Variants in CEP290 observed in about 807,000 individuals in gnomAD.
CEP290 encodes the protein centrosomal protein 290.
In CEP290, 317 loss-of-function variants were observed where a neutral mutation model predicts 344.9. The observed-to-expected ratio is 0.92, with a 90% CI of 0.84 to 1.01. CEP290 has a LOEUF of 1.01. CEP290 is among the 50% of genes least tolerant of loss of function. The pLI is 0.00. For synonymous variants in CEP290, 932 were observed against 895.8 expected, an observed-to-expected ratio of 1.04 and a Z score of -0.72; for missense variants, 2,754 against 2,761.4, an observed-to-expected ratio of 1.00 and a Z score of 0.06.
chr12:88,050,190 ATATGT>A (rs1565777142), intron 53 of CEP290, 159 bp downstream of exon 53: 3 of 506,028 alleles, frequency 5.9e-6, no homozygotes, highest in Non-Finnish European at 1.0e-5. Context: ...GTTAACTCTA[ATATGT>A]TAGGAATAGT....
intron 35 of CEP290, among the ~76,000 whole-genome samples, 159 bp from the exon 36 acceptor site, chr12:88,084,113 T>TC (rs1418954671): frequency 6.6e-6 from 1 of 152,190 alleles, no homozygotes; most frequent in African/African-American, 2.4e-5. Context: ...GGTATGCATG[T>TC]CCCCTCAGAC....
chr12:88,057,352 G>A (rs978062074), intron 49 of CEP290, among the ~76,000 whole-genome samples: 5 of 152,178 alleles, frequency 3.3e-5, no homozygotes, highest in Admixed American at 1.3e-4. Context: ...CTGGCAATAG[G>A]AGGTACTAAG....
At chr12:88,130,697 A>C (rs1005171464) in intron 7 of CEP290, 132 bp from the exon 8 acceptor site, 4 of 587,122 alleles carry the variant, frequency 6.8e-6, no homozygotes, top group Non-Finnish European at 1.1e-5. Flanking sequence ...TAACCAAAGA[A>C]AGAATACTAA....
At chr12:88,084,379 G>A (rs1319411828) in intron 35 of CEP290, among the ~76,000 whole-genome samples, 1 of 152,058 alleles carries the variant, frequency 6.6e-6, no homozygotes, top group South Asian at 2.1e-4. Flanking sequence ...GCTACTCGTG[G>A]TTTAGTCAGT....
chr12:88,141,226 A>G lies in CEP290; in HGVS notation c.82T>C (p.Leu28=). 1 of 1,609,448 alleles carries G rather than the reference A, an allele frequency of 6.2e-7. No homozygotes were observed. The highest frequency in any genetic ancestry group is 8.5e-7 in the Non-Finnish European group (1 of 1,178,384). Residue 28 remains leucine, a synonymous_variant, in exon 2 of 54, where the codon TTA becomes CTA. Transcript: ENST00000552810. ...LPRQEELADN[L]LISLSKVEVN... is the part of the protein sequence containing the mutation. ...AGCACCTTGGATAAGGAAATCAATA[A>G]ATTATCTGCCAGTTCTTCTTGACGG... is the stretch of plus-strand genomic sequence containing the variant.
At position 88,066,469 on chromosome 12, in the gene CEP290, G is replaced by GTTTTTTTTT. The variant is rs1555199995; in HGVS notation, c.6135+2052_6135+2053insAAAAAAAAA. On this transcript the variant is annotated intron_variant, in intron 44 of 53. Coordinates refer to ENST00000552810, the MANE Select transcript of CEP290 (RefSeq NM_025114.4). ...TGTGCACAATCACACCCAGCTAATT[G>GTTTTTTTTT]TTTCTTTTTTTTTTTTTTTCTGGTA... Among the ~76,000 whole-genome samples, 2 of 37,200 alleles carry GTTTTTTTTT rather than the reference G, an allele frequency of 5.4e-5. 1 individual carries two copies. The allele number at this position is 37,200 out of a possible 152,430, so 24.4% of individuals were successfully genotyped here. A position where few individuals can be genotyped will look rare whatever the true frequency, so the allele number is the denominator to read the frequency against.
In CEP290 at chr12:88,110,199, T is replaced by C. The variant is rs559171886; in HGVS notation, c.2367+1003A>G. ...ATTGATTCTGAACATATATTTGTAA[T>C]TATATTTATAATGTATGTGATGTTA... On this transcript the variant is annotated intron_variant, in intron 22 of 53. Coordinates refer to ENST00000552810, the MANE Select transcript of CEP290 (RefSeq NM_025114.4). Among the ~76,000 whole-genome samples, 24 of 152,242 alleles carry C rather than the reference T, an allele frequency of 1.6e-4. 1 individual carries two copies. Among genetic ancestry groups the C allele is most frequent in the Admixed American group, 1.2e-3 (19 of 15,286 alleles).
rs1409885182 is a variant in CEP290 at position 88,129,807 on chromosome 12, C to T, written c.739G>A (p.Val247Ile). The T allele has an allele frequency of 9.5e-6, 14 of 1,468,710 alleles. No homozygotes were observed. The East Asian group carries it at 1.6e-4, about 17-fold the overall frequency. The allele number at this position is 1,468,710 out of a possible 1,614,324, so 91.0% of individuals were successfully genotyped here. The change falls in exon 10 of 54, where the codon GTA becomes ATA. Residue 247 changes from valine (V) to isoleucine (I), a missense_variant. By Grantham distance (29) the Val-to-Ile change is conservative. Coordinates refer to ENST00000552810, the MANE Select transcript of CEP290 (RefSeq NM_025114.4). ...QEMRKNLEESVQEMEKMTDEY... is the reference protein window; with the variant it reads ...QEMRKNLEESIQEMEKMTDEY... The stretch of plus-strand genomic sequence containing the variant: ...TCAGTCATCTTCTCCATTTCCTGTA[C>T]AGACTCTTCTAAATTTTTTCTCATT...
At chr12:88,121,855 A>T (rs2039425345) in intron 13 of CEP290, among the ~76,000 whole-genome samples, 1 of 152,130 alleles carries the variant, frequency 6.6e-6, no homozygotes. Context: ...ATAAATTTCT[A>T]TCTTGTTTAA....
At chr12:88,112,635 G>A (rs1354848885) in intron 20 of CEP290, among the ~76,000 whole-genome samples, 2 of 152,020 alleles carry the variant, frequency 1.3e-5, no homozygotes, top group Non-Finnish European at 2.9e-5. Context: ...GGCAAAGTAA[G>A]TCTTAAAAAG....
intron 52 of CEP290, among the ~76,000 whole-genome samples, chr12:88,052,931 G>A (rs1168207745): frequency 1.3e-5 from 2 of 152,076 alleles, no homozygotes; most frequent in African/African-American, 4.8e-5. Context: ...ACTGAAATGA[G>A]GATACTGAGC....
intron 5 of CEP290, among the ~76,000 whole-genome samples, 173 bp from the exon 6 acceptor site, chr12:88,136,959 G>A (rs1226146976): frequency 6.6e-6 from 1 of 151,252 alleles, no homozygotes; most frequent in African/African-American, 2.4e-5. Context: ...CTTACTTAAG[G>A]TTAGTTCACA....
intron 11 of CEP290, among the ~76,000 whole-genome samples, chr12:88,127,773 A>G (rs1467037981): frequency 6.6e-6 from 1 of 152,194 alleles, no homozygotes; most frequent in Non-Finnish European, 1.5e-5. Flanking sequence ...ATATAAGGAT[A>G]TTCATTAAAA....
Position 88,136,646 on chromosome 12 carries a change from CT to C in CEP290, c.437del (p.Glu146GlyfsTer17), listed in dbSNP as rs1452465499. On this transcript the variant is annotated frameshift_variant, in exon 6 of 54. Transcript: ENST00000552810. LOFTEE classifies it high-confidence loss of function. ...ATGGAAAAAAAAAGTGCTTTACTTGCTCATTAACTTTCTTCTCTTTCTCCAA... is the reference window on the plus strand; with the variant it reads ...ATGGAAAAAAAAAGTGCTTTACTTGCCATTAACTTTCTTCTCTTTCTCCAA... ...KELEKEKKVN[E>X]QLALRNEEAE... The C allele has an allele frequency of 5.0e-6, 8 of 1,613,344 alleles. No individual in the cohort carries two copies. Among genetic ancestry groups the C allele is most frequent in the Non-Finnish European group, 6.8e-6 (8 of 1,179,608 alleles).
At chr12:88,138,338 C>A (rs991556379) in intron 5 of CEP290, among the ~76,000 whole-genome samples, 8 of 152,222 alleles carry the variant, frequency 5.3e-5, no homozygotes, top group African/African-American at 1.9e-4. Flanking sequence ...TAACACAGAA[C>A]TGATCCAACT....
Position 88,119,568 on chromosome 12 carries a change from G to A in CEP290, c.1522+546C>T, listed in dbSNP as rs192273379. ...TATCCCAGCACTTTGGGAGGCCAAG[G>A]CGGGTGGATCACTTAAGGTCAGGAG... On this transcript the variant is annotated intron_variant, in intron 15 of 53. Coordinates refer to ENST00000552810, the MANE Select transcript of CEP290 (RefSeq NM_025114.4). Among the ~76,000 whole-genome samples, 420 of 152,268 alleles carry A rather than the reference G, an allele frequency of 2.8e-3. 1 individual carries two copies. The highest frequency in any genetic ancestry group is 0.024 in the South Asian group (114 of 4,826).
At chr12:88,103,221 T>C (rs1254555709) in intron 25 of CEP290, 2 of 317,688 alleles carry the variant, frequency 6.3e-6, no homozygotes, top group East Asian at 1.1e-4. Flanking sequence ...ATAATAAAAA[T>C]AAAATACTTT....
intron 3 of CEP290, 89 bp from the exon 4 acceptor site, chr12:88,139,653 C>T (rs544110134): frequency 2.0e-6 from 2 of 981,038 alleles, no homozygotes; most frequent in East Asian, 2.9e-5. Flanking sequence ...TGTTATGATC[C>T]TTAGTGCCAG....
chr12:88,098,471 G>A (rs943963502), intron 26 of CEP290, among the ~76,000 whole-genome samples: 1 of 151,786 alleles, frequency 6.6e-6, no homozygotes, highest in Non-Finnish European at 1.5e-5. Flanking sequence ...AATTAGCTGA[G>A]CATGGTGATG....
Sources: allele counts gnomAD v4.1 joint callset (sites outside exome capture counted in the v4.1 genomes callset), GRCh38; gene constraint gnomAD v4.1.1; transcripts MANE v1.5; gene names NCBI Gene and HGNC (gene_info 2026-07-23, HGNC 2026-07-21).